The following CEP70 variants were observed in gnomAD, a reference collection of about 807,000 sequenced individuals.
CEP70 encodes the protein centrosomal protein of 70 kDa.
In CEP70, 70 loss-of-function variants were observed where a neutral mutation model predicts 90.9. The observed-to-expected ratio is 0.77, with a 90% CI of 0.64 to 0.94. The LOEUF (loss-of-function observed/expected upper bound fraction) is 0.94, where lower values mean the gene tolerates loss of function less well. CEP70 is among the 40% of genes least tolerant of loss of function. The pLI is 0.00. For synonymous variants in CEP70, 220 were observed against 228.3 expected (o/e 0.96, Z 0.33); for missense variants, 648 against 669.0 (o/e 0.97, Z 0.35).
At chr3:138,586,245 C>T (rs1335438252) in intron 2 of CEP70, among the ~76,000 whole-genome samples, 1 of 152,140 alleles carries the variant, frequency 6.6e-6, no homozygotes, top group African/African-American at 2.4e-5. Context: ...GCAACCTCTG[C>T]CTCCCAGGTT....
At chr3:138,537,401 A>G in intron 6 of CEP70, 54 bp from the exon 7 acceptor site, 1 of 1,250,522 alleles carries the variant, frequency 8.0e-7, no homozygotes, top group Non-Finnish European at 1.1e-6. Flanking sequence ...AGGACATGCT[A>G]TCCTAACAGT....
intron 6 of CEP70, among the ~76,000 whole-genome samples, chr3:138,538,908 T>C (rs2038515932): frequency 6.6e-6 from 1 of 152,208 alleles, no homozygotes; most frequent in Non-Finnish European, 1.5e-5. Context: ...TCTGTTGTCA[T>C]ATAATTGTTC....
At chr3:138,498,586 G>C (rs945515916) in intron 16 of CEP70, among the ~76,000 whole-genome samples, 1 of 151,276 alleles carries the variant, frequency 6.6e-6, no homozygotes, top group African/African-American at 2.4e-5. Flanking sequence ...CGCCCACCTC[G>C]GCCTCCCAAA....
chr3:138,525,414 A>G, intron 11 of CEP70, 76 bp downstream of exon 11: 1 of 498,900 alleles, frequency 2.0e-6, no homozygotes, highest in Non-Finnish European at 3.2e-6. Flanking sequence ...ATAATAAAAT[A>G]AAAATAAAAA....
intron 1 of CEP70, among the ~76,000 whole-genome samples, chr3:138,592,315 C>G (rs2042423267): frequency 1.3e-5 from 2 of 152,182 alleles, no homozygotes; most frequent in Admixed American, 6.5e-5. Context: ...CAAAAGCAAA[C>G]ACAGGAACAA....
chr3:138,555,635 T>A (rs1042831790), intron 6 of CEP70, among the ~76,000 whole-genome samples: 1 of 152,114 alleles, frequency 6.6e-6, no homozygotes, highest in African/African-American at 2.4e-5. Context: ...AAAGAAGATA[T>A]ACAAATGGCC....
At chr3:138,546,467 A>G (rs1297192653) in intron 6 of CEP70, among the ~76,000 whole-genome samples, 1 of 152,162 alleles carries the variant, frequency 6.6e-6, no homozygotes, top group African/African-American at 2.4e-5. Context: ...GCACTATCAT[A>G]GCCAGATGCG....
intron 11 of CEP70, among the ~76,000 whole-genome samples, chr3:138,523,203 TA>T (rs1303012193): frequency 2.6e-5 from 4 of 152,130 alleles, no homozygotes; most frequent in African/African-American, 9.7e-5. Context: ...CTCAATAAAT[TA>T]GGTATTGATG....
At chr3:138,509,023 G>A (rs763889134) in intron 11 of CEP70, among the ~76,000 whole-genome samples, 23 of 152,212 alleles carry the variant, frequency 1.5e-4, no homozygotes, top group Non-Finnish European at 2.2e-4. Flanking sequence ...GTGAGCCACC[G>A]TGCCCGGCCA....
intron 16 of CEP70, among the ~76,000 whole-genome samples, chr3:138,498,901 C>T (rs945177520): frequency 6.6e-6 from 1 of 151,662 alleles, no homozygotes; most frequent in Non-Finnish European, 1.5e-5. Context: ...CAAAAATTAG[C>T]TGGGTGTGGT....
At chr3:138,524,138 T>G (rs535732264) in intron 11 of CEP70, among the ~76,000 whole-genome samples, 2 of 150,098 alleles carry the variant, frequency 1.3e-5, no homozygotes, top group African/African-American at 5.0e-5. Flanking sequence ...GATTCCCTAT[T>G]TAATAAATGG....
intron 6 of CEP70, among the ~76,000 whole-genome samples, chr3:138,565,249 T>C (rs1336142852): frequency 1.3e-5 from 2 of 152,152 alleles, no homozygotes; most frequent in African/African-American, 2.4e-5. Flanking sequence ...AGAATCAATA[T>C]TGTGAAAATG....
intron 11 of CEP70, among the ~76,000 whole-genome samples, chr3:138,510,705 G>A (rs2035449093): frequency 6.6e-6 from 1 of 152,056 alleles, no homozygotes; most frequent in African/African-American, 2.4e-5. Flanking sequence ...GGATTATTAC[G>A]AGACTACAGT....
chr3:138,564,995 A>G (rs1227481746), intron 6 of CEP70, among the ~76,000 whole-genome samples: 1 of 152,236 alleles, frequency 6.6e-6, no homozygotes, highest in Non-Finnish European at 1.5e-5. Context: ...CAACTTCAGC[A>G]AAGTCTCAGG....
chr3:138,555,248 C>CAATA (rs2039921005), intron 6 of CEP70, among the ~76,000 whole-genome samples: 1 of 127,212 alleles, frequency 7.9e-6, no homozygotes, highest in Admixed American at 8.0e-5. Context: ...GACTCCATCT[C>CAATA]AAAAAAAAAA....
intron 8 of CEP70, among the ~76,000 whole-genome samples, chr3:138,531,194 C>T (rs1390833888): frequency 6.6e-6 from 1 of 152,136 alleles, no homozygotes; most frequent in Non-Finnish European, 1.5e-5. Context: ...ATTACAAATT[C>T]ATGACAACTA....
intron 11 of CEP70, among the ~76,000 whole-genome samples, chr3:138,522,254 C>T (rs377010955): frequency 4.0e-5 from 6 of 148,638 alleles, no homozygotes; most frequent in East Asian, 3.9e-4. Context: ...TCCCCCTCTC[C>T]GAGAAAAACC....
At chr3:138,593,502 C>T (rs892847201) in intron 1 of CEP70, among the ~76,000 whole-genome samples, 1 of 152,122 alleles carries the variant, frequency 6.6e-6, no homozygotes, top group Non-Finnish European at 1.5e-5. Flanking sequence ...AGATTACAGG[C>T]GTAAGCCACT....
chr3:138,500,526 A>G lies in CEP70; in HGVS notation c.1410T>C (p.Val470=), dbSNP rs771566303. ...CATCAAATAACTTTTGGAAGTGAGA[A>G]ACAATAGCTTGCAAAGTTTGAAAGT... ...MPHFQTLQAI[V]SHFQKLFDVP... The change falls in exon 15 of 18, where the codon GTT becomes GTC. Residue 470 remains valine, a synonymous_variant. Transcript: ENST00000264982. The G allele has an allele frequency of 4.3e-6, 7 of 1,610,668 alleles. No homozygotes were observed. In the Admixed American group the frequency reaches 1.2e-4, roughly 27 times the overall value.
Sources: gnomAD v4.1 joint callset for allele counts (sites outside exome capture counted in the v4.1 genomes callset) on GRCh38, gnomAD v4.1.1 for gene constraint, MANE v1.5 for transcripts, NCBI Gene and HGNC (gene_info 2026-07-23, HGNC 2026-07-21) for gene names.